GRK3: variants seen among roughly 807,000 people sequenced by gnomAD.
GRK3 encodes adrenergic, beta, receptor kinase 2.
GRK3 carries 54 observed loss-of-function variants against 95.7 expected under a neutral mutation model. The ratio of observed to expected loss-of-function variants is 0.56; its 90% confidence interval spans 0.45 to 0.71. The LOEUF is 0.71. Ranked by LOEUF, GRK3 falls within the 30% of genes least tolerant of loss-of-function variation. The pLI is 0.00. For synonymous variants in GRK3, 281 were observed against 290.8 expected (o/e 0.97, Z 0.34); for missense variants, 649 against 851.2 (o/e 0.76, Z 2.96).
rs941231884 is a variant in GRK3 at position 25,728,365 on chromosome 22, T to C, written c.*5915T>C. 2 of 152,262 alleles carry C rather than the reference T, an allele frequency of 1.3e-5. No individual in the cohort carries two copies. The highest frequency in any genetic ancestry group is 4.8e-5 in the African/African-American group (2 of 41,466). The allele number at this position is 152,262 out of a possible 1,614,324, so 9.4% of individuals were successfully genotyped here. On this transcript the variant is annotated 3_prime_UTR_variant, in exon 21 of 21. Coordinates refer to ENST00000324198, the MANE Select transcript of GRK3 (RefSeq NM_005160.4). ...GTACCGCAAAGGCTTTATTCTGGAC[T>C]GGCTATCTCATAAAAGGATTTCTGT...
intron 2 of GRK3, among the ~76,000 whole-genome samples, chr22:25,611,309 T>C (rs2084495738): frequency 1.3e-5 from 2 of 152,246 alleles, no homozygotes; most frequent in Admixed American, 1.3e-4. Context: ...TTTATGGACA[T>C]ATGTTTTCAT....
intron 1 of GRK3, among the ~76,000 whole-genome samples, chr22:25,588,215 T>G (rs1310891720): frequency 6.6e-6 from 1 of 152,186 alleles, no homozygotes; most frequent in Admixed American, 6.5e-5. Context: ...TTGGGGATGA[T>G]TTTTGTATCT....
chr22:25,610,198 C>T (rs2084486184), intron 2 of GRK3, among the ~76,000 whole-genome samples: 1 of 152,124 alleles, frequency 6.6e-6, no homozygotes, highest in African/African-American at 2.4e-5. Context: ...TGTGGTGGCT[C>T]ATACCTGTAA....
chr22:25,569,095 G>C lies in GRK3; in HGVS notation c.113+3942G>C, dbSNP rs572613647. 2.0e-5 allele frequency among the ~76,000 whole-genome samples: 3 copies of C among 152,320 alleles called. No individual in the cohort carries two copies. In the South Asian group the frequency reaches 6.2e-4, roughly 32 times the overall value. ...TGAAATACTCCTCTCCGTTTAGGCT[G>C]TAGAGTTTTCTGTGTCTTCACTGTC... is the stretch of plus-strand genomic sequence containing the variant. On this transcript the variant is annotated intron_variant, in intron 1 of 20. Coordinates refer to ENST00000324198, the MANE Select transcript of GRK3 (RefSeq NM_005160.4).
At chr22:25,566,907 T>TG (rs199712478) in intron 1 of GRK3, among the ~76,000 whole-genome samples, 3,383 of 149,152 alleles carry the variant, frequency 0.023, 48 homozygotes, top group Non-Finnish European at 0.029. Context: ...GTTTTTTTTT[T>TG]GGGGGGGGCT....
At chr22:25,590,975 C>T (rs1932470287) in intron 1 of GRK3, among the ~76,000 whole-genome samples, 1 of 152,130 alleles carries the variant, frequency 6.6e-6, no homozygotes, top group African/African-American at 2.4e-5. Context: ...GGGCGTTCTA[C>T]AATTCAATTT....
At chr22:25,708,372 C>T (rs1000981326) in intron 15 of GRK3, among the ~76,000 whole-genome samples, 1 of 152,182 alleles carries the variant, frequency 6.6e-6, no homozygotes, top group Non-Finnish European at 1.5e-5. Flanking sequence ...TGGGCCTGTG[C>T]AGGAGCAGTG....
intron 1 of GRK3, among the ~76,000 whole-genome samples, chr22:25,575,279 A>G (rs1318144367): frequency 6.6e-6 from 1 of 152,228 alleles, no homozygotes; most frequent in African/African-American, 2.4e-5. Context: ...TGAGAGTTCT[A>G]AGTGAAGCGT....
intron 8 of GRK3, among the ~76,000 whole-genome samples, chr22:25,675,339 A>G (rs544574691): frequency 1.4e-4 from 22 of 152,342 alleles, no homozygotes; most frequent in South Asian, 6.2e-4. Flanking sequence ...CATGGGCTCC[A>G]TCACTCACCT....
In GRK3 at chr22:25,687,541, C is replaced by T. The variant is rs778569486; in HGVS notation, c.831C>T (p.Gly277=). The T allele has an allele frequency of 1.2e-5, 19 of 1,612,338 alleles. No homozygotes were observed. Among genetic ancestry groups the T allele is most frequent in the Admixed American group, 5.0e-5 (3 of 59,636 alleles). The change falls in exon 11 of 21, where the codon GGC becomes GGT. Residue 277 remains glycine (G), a synonymous_variant. Coordinates refer to ENST00000324198, the MANE Select transcript of GRK3 (RefSeq NM_005160.4). ...AAATTCTGAATCTGATTCCAGGGGG[C>T]GATTTGCACTACCACCTTTCACAAC... The part of the protein sequence containing the change: ...LCFILDLMNG[G]DLHYHLSQHG...
At chr22:25,710,281 T>C (rs2085333885) in intron 16 of GRK3, among the ~76,000 whole-genome samples, 1 of 152,230 alleles carries the variant, frequency 6.6e-6, no homozygotes, top group Non-Finnish European at 1.5e-5. Context: ...AATGCACATA[T>C]AATTGAGCCT....
intron 17 of GRK3, among the ~76,000 whole-genome samples, chr22:25,713,256 C>T (rs1223467793): frequency 7.2e-6 from 1 of 138,496 alleles, no homozygotes; most frequent in Non-Finnish European, 1.5e-5. Context: ...CCCCATCACT[C>T]ACACACACAC....
chr22:25,704,917 C>T (rs1191957005), intron 15 of GRK3, among the ~76,000 whole-genome samples: 2 of 152,190 alleles, frequency 1.3e-5, no homozygotes, highest in Non-Finnish European at 2.9e-5. Context: ...ACACTCTGAA[C>T]AGTAATATCT....
chr22:25,591,322 G>A (rs1932480811), intron 1 of GRK3, among the ~76,000 whole-genome samples: 1 of 152,164 alleles, frequency 6.6e-6, no homozygotes, highest in South Asian at 2.1e-4. Context: ...CTCTCTGAGT[G>A]CACCACCTTC....
intron 11 of GRK3, among the ~76,000 whole-genome samples, chr22:25,688,593 C>G (rs562426441): frequency 1.3e-5 from 2 of 152,336 alleles, no homozygotes; most frequent in South Asian, 4.1e-4. Context: ...TGTGTAACCT[C>G]CAACTGCTGT....
intron 19 of GRK3, among the ~76,000 whole-genome samples, chr22:25,719,083 G>A (rs1054277698): frequency 6.6e-6 from 1 of 151,994 alleles, no homozygotes; most frequent in African/African-American, 2.4e-5. Context: ...TTTGGACCTG[G>A]GCAGATTATA....
intron 3 of GRK3, among the ~76,000 whole-genome samples, chr22:25,652,688 A>G (rs2084841532): frequency 6.6e-6 from 1 of 152,204 alleles, no homozygotes; most frequent in Non-Finnish European, 1.5e-5. Context: ...AGAATAGTGT[A>G]TATAGTCATG....
At chr22:25,651,761 TA>T (rs1033790543) in intron 3 of GRK3, among the ~76,000 whole-genome samples, 3 of 152,244 alleles carry the variant, frequency 2.0e-5, no homozygotes, top group Non-Finnish European at 4.4e-5. Context: ...ATAGTAGGGA[TA>T]AAACACTAAC....
At chr22:25,579,674 G>A (rs374256561) in intron 1 of GRK3, among the ~76,000 whole-genome samples, 22 of 151,816 alleles carry the variant, frequency 1.4e-4, no homozygotes, top group South Asian at 6.3e-4. Context: ...TGGTTTCACC[G>A]CGTTAGCCAG....
Sources: gnomAD v4.1 joint callset for allele counts (sites outside exome capture counted in the v4.1 genomes callset) on GRCh38, gnomAD v4.1.1 for gene constraint, MANE v1.5 for transcripts, NCBI Gene and HGNC (gene_info 2026-07-23, HGNC 2026-07-21) for gene names.